Variants in AGAP4 observed in about 807,000 individuals in gnomAD.
AGAP4 encodes arf-GAP with GTPase, ANK repeat and PH domain-containing protein 4.
A neutral mutation model predicts 60.7 loss-of-function variants in AGAP4; 13 were observed. That is an observed-to-expected ratio of 0.21 (90% CI 0.14 to 0.34). The LOEUF (loss-of-function observed/expected upper bound fraction) is 0.34. Ranked by LOEUF, AGAP4 falls within the 10% of genes least tolerant of loss-of-function variation. The pLI is 1.00. For missense variants in AGAP4, 169 were observed against 884.0 expected (o/e 0.19, Z 10.26); for synonymous variants, 70 against 339.0 (o/e 0.21, Z 8.72).
chr10:45,827,358 A>G lies in AGAP4; in HGVS notation c.618T>C (p.Asn206=). ...VSTVHIMKKR[N]GGGSLNNYSS... ...AATAGTTATTTAAACTCCCACCTCC[A>G]TTTCTTTTCTTCATAATGTGCACGG... The change falls in exon 8 of 8, where the codon AAT becomes AAC. Residue 206 remains asparagine (N), a synonymous_variant. Coordinates refer to ENST00000616763, the MANE Select transcript of AGAP4 (RefSeq NM_001276343.3). The G allele has an allele frequency of 1.3e-6, 2 of 1,596,192 alleles. No individual in the cohort carries two copies. Among genetic ancestry groups the G allele is most frequent in the South Asian group, 2.2e-5 (2 of 89,754 alleles).
At chr10:45,852,243 A>C (rs1286243878), upstream of AGAP4, among the ~76,000 whole-genome samples, 9 of 141,896 alleles carry the variant, frequency 6.3e-5, no homozygotes, top group Admixed American at 3.5e-4. Context: ...AAAAAAAAAA[A>C]CTACTGTGGG....
At chr10:45,852,761 A>G (rs1335145019) in intron 1 of AGAP4, among the ~76,000 whole-genome samples, 1 of 152,142 alleles carries the variant, frequency 6.6e-6, no homozygotes, top group African/African-American at 2.4e-5. Flanking sequence ...ACCAGTATCT[A>G]GTAAAATCTT....
intron 4 of AGAP4, among the ~76,000 whole-genome samples, chr10:45,836,738 ATC>A (rs2058823726): frequency 9.8e-6 from 1 of 101,762 alleles, no homozygotes; most frequent in African/African-American, 3.8e-5. Flanking sequence ...CTTTTTCTGC[ATC>A]TGTTTAGATG....
intron 3 of AGAP4, among the ~76,000 whole-genome samples, chr10:45,842,022 G>C (rs1438379544): frequency 6.9e-6 from 1 of 144,490 alleles, no homozygotes; most frequent in Non-Finnish European, 1.5e-5. Flanking sequence ...TGATCCATTA[G>C]TATTCTCTCA....
chr10:45,853,805 T>C, exon 1 of AGAP4: 1 of 1,287,146 alleles, frequency 7.8e-7, no homozygotes, highest in South Asian at 1.2e-5. Flanking sequence ...CAAGATCTTG[T>C]CTTTGCTGGT....
intron 3 of AGAP4, among the ~76,000 whole-genome samples, chr10:45,842,921 G>T (rs1456238248): frequency 1.8e-5 from 2 of 112,322 alleles, no homozygotes; most frequent in Admixed American, 8.6e-5. Flanking sequence ...GGAGGCGTTT[G>T]GGTAATGGCA....
intron 1 of AGAP4, 127 bp downstream of exon 1, chr10:45,846,998 G>A: frequency 4.4e-6 from 7 of 1,596,676 alleles, no homozygotes; most frequent in East Asian, 4.5e-5. Flanking sequence ...TTTGTTCCTG[G>A]CCAGCTCCCG....
At position 45,836,878 on chromosome 10, in the gene AGAP4, T is replaced by C. The variant is rs2058826105; in HGVS notation, c.397-2762A>G. ...ATCATGGTGGATTATCTTTTTTTTT[T>C]TTTTGAGATGGAGTCTCGCTCTGTT... On this transcript the variant is annotated intron_variant, in intron 4 of 7. Coordinates refer to ENST00000616763, the MANE Select transcript of AGAP4 (RefSeq NM_001276343.3). Among the ~76,000 whole-genome samples the C allele has an allele frequency of 1.4e-5, 2 of 147,210 alleles. 1 individual carries two copies. Among genetic ancestry groups the C allele is most frequent in the Non-Finnish European group, 3.0e-5 (2 of 66,532 alleles).
chr10:45,853,923 A>G (rs1372059366), upstream of AGAP4: 64 of 1,180,800 alleles, frequency 5.4e-5, no homozygotes, highest in Non-Finnish European at 6.7e-5. Context: ...AGTTGTTATC[A>G]CGTAAGTTCA....
Position 45,844,361 on chromosome 10 carries a change from G to C in AGAP4, c.326C>G (p.Ala109Gly). ...LEFNPSANPE[A>G]STIFQRNSQT... is the part of the protein sequence containing the mutation. ...AGAGTTCCTCTGGAATATTGTGCTT[G>C]CCTCTGGATTGGCAGAAGGGTTAAA... is the stretch of plus-strand genomic sequence containing the variant. The change falls in exon 3 of 8, where the codon GCA (alanine) becomes GGA (glycine). Residue 109 changes from alanine (A) to glycine (G), a missense_variant. Coordinates refer to ENST00000616763, the MANE Select transcript of AGAP4 (RefSeq NM_001276343.3). 1 of 1,594,444 alleles carries C rather than the reference G, an allele frequency of 6.3e-7. No homozygotes were observed. The highest frequency in any genetic ancestry group is 8.5e-7 in the Non-Finnish European group (1 of 1,179,602).
At chr10:45,848,710 C>A (rs1240577222), upstream of AGAP4, 5 of 152,718 alleles carry the variant, frequency 3.3e-5, no homozygotes, top group African/African-American at 9.7e-5. Flanking sequence ...TGTTTTCACA[C>A]TGATATAAAG....
At chr10:45,837,760 A>G (rs2058846241) in intron 4 of AGAP4, among the ~76,000 whole-genome samples, 2 of 151,548 alleles carry the variant, frequency 1.3e-5, no homozygotes, top group East Asian at 1.9e-4. Flanking sequence ...TGAAACCATA[A>G]AAGTTCTAGA....
chr10:45,849,329 C>A (rs1380147652), upstream of AGAP4, among the ~76,000 whole-genome samples: 3 of 151,794 alleles, frequency 2.0e-5, no homozygotes, highest in African/African-American at 7.3e-5. Context: ...TCACCTCCCC[C>A]TAGGCCCCTC....
Position 45,837,666 on chromosome 10 carries a change from A to G in AGAP4, c.397-3550T>C, listed in dbSNP as rs2058844427. ...GGTGCTGGGATAATTGGCAAGCCACATGCGGGAGAATGAAACTGGATCCTC... is the reference window on the plus strand; with the variant it reads ...GGTGCTGGGATAATTGGCAAGCCACGTGCGGGAGAATGAAACTGGATCCTC... On this transcript the variant is annotated intron_variant, in intron 4 of 7. Coordinates refer to ENST00000616763, the MANE Select transcript of AGAP4 (RefSeq NM_001276343.3). 1.4e-4 allele frequency among the ~76,000 whole-genome samples: 21 copies of G among 151,932 alleles called. 1 individual carries two copies. The South Asian group carries it at 4.4e-3, about 32-fold the overall frequency.
upstream of AGAP4, among the ~76,000 whole-genome samples, chr10:45,848,501 G>A (rs2059035489): frequency 6.7e-6 from 1 of 150,334 alleles, no homozygotes; most frequent in Admixed American, 6.7e-5. Flanking sequence ...GTGTGTGCCT[G>A]ACAGTGTCCC....
intron 6 of AGAP4, 22 bp downstream of exon 6, chr10:45,831,372 G>C (rs1385931524): frequency 6.3e-7 from 1 of 1,580,050 alleles, no homozygotes; most frequent in African/African-American, 1.4e-5. Flanking sequence ...AGAATAACAA[G>C]ACAGGTTTCT....
intron 4 of AGAP4, among the ~76,000 whole-genome samples, chr10:45,834,970 T>G (rs1244975819): frequency 2.0e-5 from 3 of 146,582 alleles, no homozygotes; most frequent in African/African-American, 8.0e-5. Context: ...AGACGGGGTT[T>G]CACCGTGTTA....
rs2058632639 is a variant in AGAP4 at position 45,825,645 on chromosome 10, A to G, written c.*270T>C. On this transcript the variant is annotated 3_prime_UTR_variant, in exon 8 of 8. Coordinates refer to ENST00000616763, the MANE Select transcript of AGAP4 (RefSeq NM_001276343.3). ...CTTTATTTCAAATATATTTTCACAC[A>G]TTTTATCTAAATACATAATACAGAA... 6.3e-6 allele frequency: 3 copies of G among 475,444 alleles called. No individual in the cohort carries two copies. 29.5% of individuals were successfully genotyped at this position (475,444 alleles called of 1,614,324 possible). A position where few individuals can be genotyped will look rare whatever the true frequency, so the allele number is the denominator to read the frequency against.
At chr10:45,829,944 A>T (rs2135925020) in intron 6 of AGAP4, among the ~76,000 whole-genome samples, 1 of 148,512 alleles carries the variant, frequency 6.7e-6, no homozygotes, top group African/African-American at 2.4e-5. Flanking sequence ...AATGCATGAT[A>T]TTATAAATGC....
Sources: gnomAD v4.1 joint callset for allele counts (sites outside exome capture counted in the v4.1 genomes callset) on GRCh38, gnomAD v4.1.1 for gene constraint, MANE v1.5 for transcripts, NCBI Gene and HGNC (gene_info 2026-07-23, HGNC 2026-07-21) for gene names.